Variants in DACH2 observed in about 807,000 individuals in gnomAD.
DACH2 encodes dachshund homolog 2.
In DACH2, 17 loss-of-function variants were observed where a neutral mutation model predicts 35.8. The observed-to-expected ratio is 0.48, with a 90% confidence interval of 0.33 to 0.71. The LOEUF (loss-of-function observed/expected upper bound fraction) is 0.71, where lower values mean the gene tolerates loss of function less well. Ranked by LOEUF, DACH2 falls within the 30% of genes least tolerant of loss-of-function variation. The pLI is 0.02. For synonymous variants in DACH2, 195 were observed against 177.3 expected (o/e 1.10, Z -0.79); for missense variants, 469 against 472.7 (o/e 0.99, Z 0.07).
At chrX:86,614,218 T>C (rs1028616797) in intron 3 of DACH2, among the ~76,000 whole-genome samples, 3 of 111,746 alleles carry the variant, frequency 2.7e-5, no homozygotes, top group Non-Finnish European at 3.8e-5. Context: ...TTTTGAACTA[T>C]AATTATGTCA....
At chrX:86,311,561 C>G (rs2034801071) in intron 1 of DACH2, among the ~76,000 whole-genome samples, 1 of 111,071 alleles carries the variant, frequency 9.0e-6, no homozygotes, top group African/African-American at 3.3e-5. Context: ...GTCCAGGAAT[C>G]AAGGGGTGGA....
At position 86,800,177 on chromosome X, in the gene DACH2, TC is replaced by T. The variant is rs1285316538; in HGVS notation, c.1241-12677del. On this transcript the variant is annotated intron_variant, in intron 7 of 11. Coordinates refer to ENST00000373125, the MANE Select transcript of DACH2 (RefSeq NM_053281.3). Reference sequence around the variant, plus strand: ...TAATTGAAAAGTTTTTTGAAAATATTCCTCTTTGTCTAATAGTTATTAGAGA... The same window carrying T: ...TAATTGAAAAGTTTTTTGAAAATATTCTCTTTGTCTAATAGTTATTAGAGA... Among the ~76,000 whole-genome samples, 24 of 112,609 alleles carry T rather than the reference TC, an allele frequency of 2.1e-4. No homozygotes were observed. In the East Asian group the frequency reaches 6.4e-3, roughly 30 times the overall value.
chrX:86,638,901 C>T (rs1171139616), intron 3 of DACH2, among the ~76,000 whole-genome samples: 1 of 112,036 alleles, frequency 8.9e-6, no homozygotes. Flanking sequence ...AGCAGTCCCA[C>T]AACTGGGTAT....
chrX:86,688,554 G>T (rs1002923262), intron 4 of DACH2, among the ~76,000 whole-genome samples: 1 of 111,852 alleles, frequency 8.9e-6, no homozygotes, highest in Non-Finnish European at 1.9e-5. Flanking sequence ...CAAGGGATTT[G>T]CCTTTTATTT....
Position 86,323,534 on chromosome X carries a change from G to T in DACH2, c.489-53290G>T, listed in dbSNP as rs73241019. Among the ~76,000 whole-genome samples the T allele has an allele frequency of 7.5e-4, 84 of 111,877 alleles. 1 individual carries two copies. The highest frequency in any genetic ancestry group is 7.1e-3 in the South Asian group (19 of 2,673). Reference sequence around the variant, plus strand: ...CTTGTAGCATTGCATACAGAGAGGGGATGGGAGACATGGTGACCATGGAAA... The same window carrying T: ...CTTGTAGCATTGCATACAGAGAGGGTATGGGAGACATGGTGACCATGGAAA... On this transcript the variant is annotated intron_variant, in intron 1 of 11. Transcript: ENST00000373125.
At chrX:86,748,476 C>A (rs2041737046) in intron 7 of DACH2, among the ~76,000 whole-genome samples, 1 of 111,487 alleles carries the variant, frequency 9.0e-6, no homozygotes, top group Non-Finnish European at 1.9e-5. Flanking sequence ...TTTTACAGAG[C>A]TCTCAGGTAA....
intron 1 of DACH2, among the ~76,000 whole-genome samples, chrX:86,289,927 G>A (rs1453222853): frequency 9.3e-6 from 1 of 107,570 alleles, no homozygotes; most frequent in East Asian, 3.0e-4. Context: ...GGTCCTTTGG[G>A]TATATACCCA....
At position 86,207,464 on chromosome X, in the gene DACH2, C is replaced by T. The variant is rs373718536; in HGVS notation, c.488+58356C>T. ...TGCACCAAAAATAGATTTTTAGCCT[C>T]ATTTATCTTGGTGTGATTATTACAC... is the stretch of plus-strand genomic sequence containing the variant. On this transcript the variant is annotated intron_variant, in intron 1 of 11. Transcript: ENST00000373125. Among the ~76,000 whole-genome samples the T allele has an allele frequency of 9.9e-5, 11 of 110,592 alleles. No homozygotes were observed. In the East Asian group the frequency reaches 2.8e-3, roughly 29 times the overall value.
At position 86,282,460 on chromosome X, in the gene DACH2, A is replaced by G. The variant is rs186340773; in HGVS notation, c.489-94364A>G. 3.3e-3 allele frequency among the ~76,000 whole-genome samples: 374 copies of G among 111,705 alleles called. 1 individual carries two copies. The highest frequency in any genetic ancestry group is 4.6e-3 in the Middle Eastern group (1 of 217). On this transcript the variant is annotated intron_variant, in intron 1 of 11. Transcript: ENST00000373125. ...AAACTGGCTAGCCATATACAGAAAA[A>G]GGAAACTGGTCCCCTTCCTTACACC...
At chrX:86,824,258 C>G (rs1427014637) in intron 11 of DACH2, among the ~76,000 whole-genome samples, 1 of 111,188 alleles carries the variant, frequency 9.0e-6, no homozygotes, top group Non-Finnish European at 1.9e-5. Context: ...ATTAATATTC[C>G]TTGCTAGCAA....
chrX:86,456,664 CT>C (rs202191856), intron 2 of DACH2, among the ~76,000 whole-genome samples: 31 of 108,596 alleles, frequency 2.9e-4, no homozygotes, highest in East Asian at 8.7e-4. Flanking sequence ...CCGTAATGTT[CT>C]TTTTTTTTAT....
intron 2 of DACH2, among the ~76,000 whole-genome samples, chrX:86,432,529 G>A: frequency 8.9e-6 from 1 of 111,891 alleles, no homozygotes; most frequent in Non-Finnish European, 1.9e-5. Context: ...GAAATATCTT[G>A]AAGGTTGGAA....
chrX:86,816,381 C>T (rs747604670), intron 11 of DACH2, among the ~76,000 whole-genome samples: 1 of 111,626 alleles, frequency 9.0e-6, no homozygotes, highest in East Asian at 2.8e-4. Context: ...AAAGAATACA[C>T]ATTTGTATGT....
chrX:86,652,275 T>A (rs1203542422), intron 4 of DACH2, among the ~76,000 whole-genome samples: 5 of 112,324 alleles, frequency 4.5e-5, no homozygotes, highest in African/African-American at 1.6e-4. Context: ...AAGGAAATGA[T>A]CTCATTGCTT....
At position 86,445,063 on chromosome X, in the gene DACH2, G is replaced by T. The variant is rs910145119; in HGVS notation, c.527+68201G>T. Among the ~76,000 whole-genome samples, 5 of 110,700 alleles carry T rather than the reference G, an allele frequency of 4.5e-5. 1 individual carries two copies. The highest frequency in any genetic ancestry group is 9.7e-5 in the Admixed American group (1 of 10,292). ...CTGTTCTCAATCCTCTTCTTTTTGC[G>T]GGGGTTTAATTCATTCTTGTTTTTA... On this transcript the variant is annotated intron_variant, in intron 2 of 11. Coordinates refer to ENST00000373125, the MANE Select transcript of DACH2 (RefSeq NM_053281.3).
intron 2 of DACH2, among the ~76,000 whole-genome samples, chrX:86,458,533 A>G (rs186585321): frequency 3.6e-5 from 4 of 111,721 alleles, no homozygotes; most frequent in East Asian, 5.7e-4. Context: ...GGGACTTAAT[A>G]CTAAGTCATT....
At chrX:86,775,571 C>A (rs1453273163) in intron 7 of DACH2, among the ~76,000 whole-genome samples, 1 of 111,344 alleles carries the variant, frequency 9.0e-6, no homozygotes, top group Non-Finnish European at 1.9e-5. Context: ...TCCATGAAAC[C>A]AGTCCCTTTT....
At chrX:86,383,477 C>T (rs763750583) in intron 2 of DACH2, among the ~76,000 whole-genome samples, 5 of 104,478 alleles carry the variant, frequency 4.8e-5, no homozygotes, top group Non-Finnish European at 7.9e-5. Context: ...TTAGTCTGAA[C>T]GAAGCCTTGG....
At chrX:86,619,855 T>TA (rs749741967) in intron 3 of DACH2, among the ~76,000 whole-genome samples, 1 of 112,344 alleles carries the variant, frequency 8.9e-6, no homozygotes, top group East Asian at 2.8e-4. Flanking sequence ...AGAGTTGTGC[T>TA]ATATAGGCAA....
Sources: allele counts gnomAD v4.1 joint callset (sites outside exome capture counted in the v4.1 genomes callset), GRCh38; gene constraint gnomAD v4.1.1; transcripts MANE v1.5; gene names NCBI Gene and HGNC (gene_info 2026-07-23, HGNC 2026-07-21).